Variants in CREB3 observed in about 807,000 individuals in gnomAD.
CREB3 encodes the protein cAMP responsive element binding protein 3.
A neutral mutation model predicts 34.5 loss-of-function variants in CREB3; 29 were observed. The observed-to-expected ratio is 0.84, with a 90% CI of 0.63 to 1.15. CREB3 has a LOEUF of 1.15. CREB3 is among the 50% of genes most tolerant of loss of function. CREB3 has a pLI of 0.00. For missense variants in CREB3, 447 were observed against 443.4 expected (o/e 1.01, Z -0.07); for synonymous variants, 187 against 173.9 (o/e 1.08, Z -0.59).
intron 6 of CREB3, 134 bp downstream of exon 6, chr9:35,735,508 A>G (rs1206822177): frequency 4.0e-6 from 3 of 747,994 alleles, no homozygotes; most frequent in Non-Finnish European, 6.9e-6. Context: ...AGCTCCCAGT[A>G]GTGAGGAATA....
chr9:35,733,526 A>G (rs1328190439), intron 4 of CREB3, 41 bp downstream of exon 4: 7 of 1,463,480 alleles, frequency 4.8e-6, no homozygotes, highest in Middle Eastern at 3.5e-4. Flanking sequence ...AAAAGGGATT[A>G]AAAGTCCCAA....
chr9:35,734,987 G>A, intron 4 of CREB3, 122 bp from the exon 5 acceptor site: 4 of 743,938 alleles, frequency 5.4e-6, no homozygotes, highest in Non-Finnish European at 4.4e-6. Context: ...GAATCTGAAT[G>A]CCTGTTGGTC....
At chr9:35,733,167 G>A (rs1458391912) in intron 2 of CREB3, 24 bp downstream of exon 2, 2 of 1,614,210 alleles carry the variant, frequency 1.2e-6, no homozygotes, top group South Asian at 2.2e-5. Flanking sequence ...AAGTTTGCGG[G>A]GAGGACAGGG....
At chr9:35,734,902 C>T (rs963163006) in intron 4 of CREB3, among the ~76,000 whole-genome samples, 1 of 152,118 alleles carries the variant, frequency 6.6e-6, no homozygotes, top group Non-Finnish European at 1.5e-5. Flanking sequence ...TACTGCCCGA[C>T]CAGTTTTTTT....
At chr9:35,734,197 C>G (rs1056505813) in intron 4 of CREB3, among the ~76,000 whole-genome samples, 1 of 151,914 alleles carries the variant, frequency 6.6e-6, no homozygotes, top group African/African-American at 2.4e-5. Context: ...AGGCTGGTCT[C>G]GAACTCCTGG....
Position 35,736,750 on chromosome 9 carries a change from C to T in CREB3, c.*24C>T, listed in dbSNP as rs774528922. 1 of 1,575,190 alleles carries T rather than the reference C, an allele frequency of 6.3e-7. No individual in the cohort carries two copies. Among genetic ancestry groups the T allele is most frequent in the Admixed American group, 1.7e-5 (1 of 58,858 alleles). Reference sequence around the variant, plus strand: ...AGATATGAGGATATGTGGGGGGTCTCAGCAGGAGCCTGGGGGGCTCCCCAT... The same window carrying T: ...AGATATGAGGATATGTGGGGGGTCTTAGCAGGAGCCTGGGGGGCTCCCCAT... On this transcript the variant is annotated 3_prime_UTR_variant, in exon 9 of 9. Transcript: ENST00000353704.
Position 35,733,172 on chromosome 9 carries a change from A to G in CREB3, c.277+29A>G, listed in dbSNP as rs772510214. On this transcript the variant is annotated intron_variant, in intron 2 of 8. Coordinates refer to ENST00000353704, the MANE Select transcript of CREB3 (RefSeq NM_006368.5). ...AGTCTGAAATAAGTTTGCGGGGAGG[A>G]CAGGGTTCATGGGCCTGGCTATTCA... 6 of 1,614,058 alleles carry G rather than the reference A, an allele frequency of 3.7e-6. No individual in the cohort carries two copies. In the African/African-American group the frequency reaches 6.7e-5, roughly 18 times the overall value.
Position 35,736,208 on chromosome 9 carries a change from C to T in CREB3, c.697-19C>T. 6.2e-7 allele frequency: 1 copy of T among 1,613,738 alleles called. No homozygotes were observed. Among genetic ancestry groups the T allele is most frequent in the Non-Finnish European group, 8.5e-7 (1 of 1,179,624 alleles). On this transcript the variant is annotated intron_variant, in intron 7 of 8. Coordinates refer to ENST00000353704, the MANE Select transcript of CREB3 (RefSeq NM_006368.5). Reference sequence around the variant, plus strand: ...GGCAATCCAGAGCCCTTCTTCATCTCCTTTTTCCTGTGCTCTAGGTCCTAC... The same window carrying T: ...GGCAATCCAGAGCCCTTCTTCATCTTCTTTTTCCTGTGCTCTAGGTCCTAC...
chr9:35,733,138 A>G lies in CREB3; in HGVS notation c.272A>G (p.Asp91Gly). The G allele has an allele frequency of 6.2e-7, 1 of 1,614,118 alleles. No homozygotes were observed. Reference protein sequence around the residue: ...YSLPRETVSMDLESESCRKEG... With the variant: ...YSLPRETVSMGLESESCRKEG... ...CTCCCACGGGAAACTGTCTCTATGG[A>G]TCTAGGTGAGTCTGAAATAAGTTTG... The change falls in exon 2 of 9, where the codon GAT becomes GGT. Residue 91 changes from aspartate (D) to glycine (G), a missense_variant. By Grantham distance (94) the Asp-to-Gly change is moderately conservative. Transcript: ENST00000353704.
At chr9:35,736,337 G>A in intron 8 of CREB3, 26 bp downstream of exon 8, 1 of 1,613,812 alleles carries the variant, frequency 6.2e-7, no homozygotes, top group Non-Finnish European at 8.5e-7. Flanking sequence ...ATAGCTCTCA[G>A]ACAGGGCAAG....
intron 6 of CREB3, among the ~76,000 whole-genome samples, chr9:35,735,827 TTTTTG>T (rs1159235685): frequency 1.3e-5 from 2 of 152,082 alleles, no homozygotes; most frequent in African/African-American, 4.8e-5. Flanking sequence ...TGGCAGAGTT[TTTTTG>T]TTTTGTTTTG....
intron 6 of CREB3, 33 bp downstream of exon 6, chr9:35,735,407 G>A (rs778720223): frequency 3.8e-6 from 6 of 1,574,172 alleles, no homozygotes; most frequent in Non-Finnish European, 4.4e-6. Context: ...CCCTTCCTAT[G>A]CCCCTCATTT....
chr9:35,735,451 T>C, intron 6 of CREB3, 77 bp downstream of exon 6: 12 of 1,349,388 alleles, frequency 8.9e-6, no homozygotes, highest in Middle Eastern at 4.0e-4. Context: ...GCCCTACACT[T>C]GATTTCTAAC....
In CREB3 at chr9:35,736,418, C is replaced by G. The variant is rs1192641029; in HGVS notation, c.808C>G (p.Pro270Ala). Residue 270 changes from proline (P) to alanine (A), a missense_variant, in exon 9 of 9, where the codon CCC (proline) becomes GCC (alanine). By Grantham distance (27) the Pro-to-Ala change is conservative. Coordinates refer to ENST00000353704, the MANE Select transcript of CREB3 (RefSeq NM_006368.5). ...GVLSRQLRAL[P>A]SEDPYQLELP... ...GTTGTCCCGCCAGCTTCGTGCCCTC[C>G]CCAGTGAGGACCCTTACCAGCTGGA... 6.2e-7 allele frequency: 1 copy of G among 1,614,080 alleles called. No individual in the cohort carries two copies. Among genetic ancestry groups the G allele is most frequent in the South Asian group, 1.1e-5 (1 of 91,076 alleles).
Position 35,735,302 on chromosome 9 carries a change from C to CA in CREB3, c.543-4_543-3insA, listed in dbSNP as rs1379712481. The CA allele has an allele frequency of 1.2e-6, 2 of 1,613,912 alleles. No individual in the cohort carries two copies. The highest frequency in any genetic ancestry group is 8.5e-7 in the Non-Finnish European group (1 of 1,179,840). ...TATCCCCGTATCTTTGTTATTTCCC[C>CA]CAGGGTCTTGAAATACACAGCCCAG... On this transcript the variant is annotated splice_region_variant and splice_polypyrimidine_tract_variant and intron_variant, in intron 5 of 8. Coordinates refer to ENST00000353704, the MANE Select transcript of CREB3 (RefSeq NM_006368.5).
At chr9:35,735,006 T>A in intron 4 of CREB3, 103 bp from the exon 5 acceptor site, 7 of 921,016 alleles carry the variant, frequency 7.6e-6, no homozygotes, top group Non-Finnish European at 1.2e-5. Context: ...TCAGGGAAGC[T>A]GTAGAAGGGA....
rs755004669 is a variant in CREB3 at position 35,736,209 on chromosome 9, C to G, written c.697-18C>G. On this transcript the variant is annotated intron_variant, in intron 7 of 8. Coordinates refer to ENST00000353704, the MANE Select transcript of CREB3 (RefSeq NM_006368.5). ...GCAATCCAGAGCCCTTCTTCATCTCCTTTTTCCTGTGCTCTAGGTCCTACT... is the reference window on the plus strand; with the variant it reads ...GCAATCCAGAGCCCTTCTTCATCTCGTTTTTCCTGTGCTCTAGGTCCTACT... 1 of 1,613,636 alleles carries G rather than the reference C, an allele frequency of 6.2e-7. No individual in the cohort carries two copies. Among genetic ancestry groups the G allele is most frequent in the South Asian group, 1.1e-5 (1 of 91,074 alleles).
chr9:35,735,195 T>C lies in CREB3; in HGVS notation c.522T>C (p.Tyr174=), dbSNP rs201145126. The C allele has an allele frequency of 6.2e-6, 10 of 1,609,778 alleles. No homozygotes were observed. The African/African-American group carries it at 1.2e-4, about 19-fold the overall frequency. The change falls in exon 5 of 9, where the codon TAT becomes TAC. Residue 174 remains tyrosine (Y), a synonymous_variant. Coordinates refer to ENST00000353704, the MANE Select transcript of CREB3 (RefSeq NM_006368.5). ...AQESRRKKKV[Y]VGGLESRVLK... Reference sequence around the variant, plus strand: ...AGAGCCGCAGGAAAAAGAAGGTGTATGTTGGGGGTTTAGAGAGCAGGTATG... The same window carrying C: ...AGAGCCGCAGGAAAAAGAAGGTGTACGTTGGGGGTTTAGAGAGCAGGTATG...
At chr9:35,735,458 T>G (rs575829162) in intron 6 of CREB3, 84 bp downstream of exon 6, 27 of 1,270,452 alleles carry the variant, frequency 2.1e-5, no homozygotes, top group Non-Finnish European at 3.1e-5. Flanking sequence ...ACTTGATTTC[T>G]AACTGGGCAG....
Sources: allele counts gnomAD v4.1 joint callset (sites outside exome capture counted in the v4.1 genomes callset), GRCh38; gene constraint gnomAD v4.1.1; transcripts MANE v1.5; gene names NCBI Gene and HGNC (gene_info 2026-07-23, HGNC 2026-07-21).